The following RBM27 variants were observed in gnomAD, a reference collection of about 807,000 sequenced individuals.
The protein encoded by RBM27 is RNA binding motif protein 27.
A neutral mutation model predicts 135.3 loss-of-function variants in RBM27; 22 were observed. That is an observed-to-expected ratio of 0.16 (90% CI 0.12 to 0.23). RBM27 has a LOEUF of 0.23. RBM27 is among the 10% of genes least tolerant of loss of function. RBM27 has a pLI of 1.00. For missense variants in RBM27, 1,009 were observed against 1,281.0 expected (o/e 0.79, Z 3.24); for synonymous variants, 481 against 442.4 (o/e 1.09, Z -1.10).
chr5:146,257,214 A>G (rs1758143275), intron 10 of RBM27, among the ~76,000 whole-genome samples: 1 of 152,214 alleles, frequency 6.6e-6, no homozygotes, highest in South Asian at 2.1e-4. Context: ...CCCAGCATTC[A>G]GCTCTGAGTT....
Position 146,233,731 on chromosome 5 carries a change from C to T in RBM27, c.1132C>T (p.Leu378Phe). The T allele has an allele frequency of 7.0e-7, 1 of 1,427,710 alleles. No homozygotes were observed. Among genetic ancestry groups the T allele is most frequent in the Non-Finnish European group, 9.2e-7 (1 of 1,087,600 alleles). The allele number at this position is 1,427,710 out of a possible 1,614,324, so 88.4% of individuals were successfully genotyped here. ...GHGQPPPSVV[L>F]PIPRPPITQS... ...TGGTCAGCCTCCACCATCCGTTGTG[C>T]TTCCCATACCAAGTAAGTATATATT... Residue 378 changes from leucine to phenylalanine, a missense_variant, in exon 7 of 21, where the codon CTT becomes TTT. By Grantham distance (22) the Leu-to-Phe change is conservative (BLOSUM62 0). Coordinates refer to ENST00000265271, the MANE Select transcript of RBM27 (RefSeq NM_018989.2).
At chr5:146,262,485 TGAAG>T (rs1758440776) in intron 13 of RBM27, among the ~76,000 whole-genome samples, 1 of 152,166 alleles carries the variant, frequency 6.6e-6, no homozygotes, top group Non-Finnish European at 1.5e-5. Flanking sequence ...ATTGAATAGA[TGAAG>T]GAAGGAAAAA....
chr5:146,222,529 C>T (rs910428890), intron 2 of RBM27, among the ~76,000 whole-genome samples: 1 of 151,812 alleles, frequency 6.6e-6, no homozygotes, highest in Non-Finnish European at 1.5e-5. Context: ...ACTAAAAATA[C>T]AAAAATTAGC....
rs548035997 is a variant in RBM27, at chr5:146,230,703, G to C, written c.636G>C (p.Glu212Asp). Reference sequence around the variant, plus strand: ...TTAAGAGTGAAAGGAATGACCTGGAGAGTTCCTATGTGCCTGTGTCTGCAC... The same window carrying C: ...TTAAGAGTGAAAGGAATGACCTGGACAGTTCCTATGTGCCTGTGTCTGCAC... ...SKFKSERNDL[E>D]SSYVPVSAPP... The change falls in exon 6 of 21, where the codon GAG becomes GAC. Residue 212 changes from glutamate to aspartate, a missense_variant. By Grantham distance (45) the Glu-to-Asp change is conservative. This residue lies in a region of RBM27 where 268 missense variants were observed against 326.6 expected (regional missense o/e 0.82). Coordinates refer to ENST00000265271, the MANE Select transcript of RBM27 (RefSeq NM_018989.2). 7.4e-6 allele frequency: 12 copies of C among 1,613,994 alleles called. No individual in the cohort carries two copies. In the African/African-American group the frequency reaches 1.3e-4, roughly 18 times the overall value.
chr5:146,247,287 A>G (rs918381769), intron 8 of RBM27, among the ~76,000 whole-genome samples: 4 of 152,220 alleles, frequency 2.6e-5, no homozygotes, highest in African/African-American at 9.6e-5. Flanking sequence ...ATCTTTGAAG[A>G]TAAGAATTAA....
At chr5:146,239,760 G>A (rs1271314160) in intron 8 of RBM27, among the ~76,000 whole-genome samples, 1 of 148,676 alleles carries the variant, frequency 6.7e-6, no homozygotes, top group Non-Finnish European at 1.5e-5. Context: ...ACAGGTGTGA[G>A]CCACCACGCC....
chr5:146,285,803 TTTG>T, intron 20 of RBM27, 141 bp from the exon 21 acceptor site: 2 of 544,010 alleles, frequency 3.7e-6, no homozygotes, highest in Admixed American at 3.9e-5. Flanking sequence ...TTTTTTTTTT[TTTG>T]CCCTGAAAGA....
chr5:146,247,738 G>A (rs1327208366), intron 8 of RBM27, among the ~76,000 whole-genome samples: 1 of 152,040 alleles, frequency 6.6e-6, no homozygotes, highest in Non-Finnish European at 1.5e-5. Flanking sequence ...TTTATAGATG[G>A]CGTTATGTAC....
chr5:146,207,863 C>T, intron 1 of RBM27, among the ~76,000 whole-genome samples: 1 of 149,254 alleles, frequency 6.7e-6, no homozygotes, highest in Non-Finnish European at 1.5e-5. Flanking sequence ...CCGTGTTGGT[C>T]AGGCTGGTCT....
chr5:146,255,828 T>C (rs909735649), intron 10 of RBM27, among the ~76,000 whole-genome samples: 2 of 151,966 alleles, frequency 1.3e-5, no homozygotes, highest in African/African-American at 2.4e-5. Context: ...CATTTTCCTT[T>C]TCTTCCTTTC....
intron 20 of RBM27, 110 bp downstream of exon 20, chr5:146,284,842 A>T (rs1759518497): frequency 4.6e-6 from 3 of 646,434 alleles, no homozygotes; most frequent in Non-Finnish European, 2.6e-6. Context: ...TCTTTCATGC[A>T]TGCAAATTAA....
At chr5:146,251,013 G>A (rs1207472274) in intron 8 of RBM27, among the ~76,000 whole-genome samples, 1 of 151,800 alleles carries the variant, frequency 6.6e-6, no homozygotes, top group Non-Finnish European at 1.5e-5. Context: ...CTGACCTCAT[G>A]ATCCACCCAC....
At chr5:146,276,002 T>A (rs1404289579) in intron 19 of RBM27, among the ~76,000 whole-genome samples, 1 of 152,120 alleles carries the variant, frequency 6.6e-6, no homozygotes, top group African/African-American at 2.4e-5. Flanking sequence ...TTTATTAGGC[T>A]TTTTTCCTCT....
intron 11 of RBM27, 21 bp from the exon 12 acceptor site, chr5:146,260,724 A>G (rs778050499): frequency 4.0e-5 from 63 of 1,576,710 alleles, no homozygotes; most frequent in Non-Finnish European, 5.1e-5. Flanking sequence ...ATTAACCAAG[A>G]TGTATTAATC....
At position 146,267,766 on chromosome 5, in the gene RBM27, C is replaced by A. The variant is rs781273418; in HGVS notation, c.2449C>A (p.Gln817Lys). Residue 817 changes from glutamine (Q) to lysine (K), a missense_variant and splice_region_variant, in exon 15 of 21, where the codon CAG becomes AAG. By Grantham distance (53) the Gln-to-Lys change is moderately conservative. Coordinates refer to ENST00000265271, the MANE Select transcript of RBM27 (RefSeq NM_018989.2). The stretch of plus-strand genomic sequence containing the variant: ...TGTTCAAGAAGTGCTTAAAAAAAAA[C>A]AGGTAACAGTCTTGATTCTTCTTGC... ...HDVQEVLKKK[Q>K]EAMKLQQDMR... 1 of 1,595,748 alleles carries A rather than the reference C, an allele frequency of 6.3e-7. No individual in the cohort carries two copies. The highest frequency in any genetic ancestry group is 1.8e-5 in the Admixed American group (1 of 56,130).
chr5:146,266,129 A>G (rs1561560239), intron 14 of RBM27, among the ~76,000 whole-genome samples: 1 of 152,202 alleles, frequency 6.6e-6, no homozygotes, highest in African/African-American at 2.4e-5. Context: ...TCAAACCAGA[A>G]ACTAAGGAGG....
Position 146,276,451 on chromosome 5 carries a change from A to G in RBM27, c.2988+4777A>G, listed in dbSNP as rs543526361. Among the ~76,000 whole-genome samples, 7 of 152,310 alleles carry G rather than the reference A, an allele frequency of 4.6e-5. No individual in the cohort carries two copies. In the South Asian group the frequency reaches 1.4e-3, roughly 32 times the overall value. ...ATGTTCTTACTGGCAAAAACCTCTAATGTCTCACTCCTGTCATTCCTGGAA... is the reference window on the plus strand; with the variant it reads ...ATGTTCTTACTGGCAAAAACCTCTAGTGTCTCACTCCTGTCATTCCTGGAA... On this transcript the variant is annotated intron_variant, in intron 19 of 20. Transcript: ENST00000265271.
At chr5:146,236,138 A>C (rs554658895) in intron 7 of RBM27, among the ~76,000 whole-genome samples, 129 of 152,354 alleles carry the variant, frequency 8.5e-4, no homozygotes, top group South Asian at 1.7e-3. Context: ...ATCTATTTAA[A>C]AGTTAAATTC....
intron 3 of RBM27, among the ~76,000 whole-genome samples, chr5:146,224,779 A>G (rs2126727909): frequency 6.6e-6 from 1 of 152,182 alleles, no homozygotes; most frequent in Admixed American, 6.5e-5. Context: ...GAGTCTCCTT[A>G]TGTTGCCCAG....
Sources: gnomAD v4.1 joint callset for allele counts (sites outside exome capture counted in the v4.1 genomes callset) on GRCh38, gnomAD v4.1.1 for gene constraint, gnomAD v4.1.1 regional missense constraint, MANE v1.5 for transcripts, NCBI Gene and HGNC (gene_info 2026-07-23, HGNC 2026-07-21) for gene names.